The following RPTOR variants were observed in gnomAD, a reference collection of about 807,000 sequenced individuals.
The protein encoded by RPTOR is regulatory associated protein of MTOR complex 1, also known as regulatory-associated protein of mTOR.
Under a neutral mutation model 169.9 loss-of-function variants are expected in RPTOR, and 21 were observed. The ratio of observed to expected loss-of-function variants is 0.12; its 90% CI spans 0.09 to 0.18. The LOEUF (loss-of-function observed/expected upper bound fraction) is 0.18. Ranked by LOEUF, RPTOR falls within the 10% of genes least tolerant of loss-of-function variation. The pLI is 1.00. For missense variants in RPTOR, 1,133 were observed against 1,855.9 expected, an observed-to-expected ratio of 0.61 and a Z score of 7.16; for synonymous variants, 732 against 753.2, an observed-to-expected ratio of 0.97 and a Z score of 0.46.
At chr17:80,739,246 G>A (rs1400279917) in intron 5 of RPTOR, among the ~76,000 whole-genome samples, 2 of 106,548 alleles carry the variant, frequency 1.9e-5, no homozygotes, top group African/African-American at 7.4e-5. Flanking sequence ...GTTTCTGGCT[G>A]AAGGTGGAGC....
At chr17:80,922,565 G>C (rs142433069) in intron 21 of RPTOR, among the ~76,000 whole-genome samples, 159 bp from the exon 22 acceptor site, 1 of 152,218 alleles carries the variant, frequency 6.6e-6, no homozygotes, top group Non-Finnish European at 1.5e-5. Flanking sequence ...TTGCCTTTGC[G>C]GGGGATCCAG....
chr17:80,908,870 G>A lies in RPTOR; in HGVS notation c.2461G>A (p.Asp821Asn), dbSNP rs753729432. 1.2e-6 allele frequency: 2 copies of A among 1,614,122 alleles called. No individual in the cohort carries two copies. The highest frequency in any genetic ancestry group is 1.1e-5 in the South Asian group (1 of 91,078). Reference sequence around the variant, plus strand: ...GAGAGTCCTGCTGCACCTGGCTGCTGACCCCTATCCAGAGGTCTCGGACGT... The same window carrying A: ...GAGAGTCCTGCTGCACCTGGCTGCTAACCCCTATCCAGAGGTCTCGGACGT... ...IWRVLLHLAA[D>N]PYPEVSDVAM... The change falls in exon 21 of 34, where the codon GAC (aspartate) becomes AAC (asparagine). Residue 821 changes from aspartate (D) to asparagine (N), a missense_variant. Asp to Asn is a conservative substitution (Grantham distance 23). Transcript: ENST00000306801.
chr17:80,903,159 G>A (rs1205105497), intron 20 of RPTOR, among the ~76,000 whole-genome samples: 1 of 152,238 alleles, frequency 6.6e-6, no homozygotes, highest in Admixed American at 6.5e-5. Context: ...GGAGCCTGGA[G>A]CCGGCCCTGG....
chr17:80,664,460 C>T (rs1194787634), intron 3 of RPTOR, among the ~76,000 whole-genome samples: 2 of 152,178 alleles, frequency 1.3e-5, no homozygotes, highest in African/African-American at 2.4e-5. Context: ...CCTGCAGCCT[C>T]GCTCCCTGCG....
intron 3 of RPTOR, among the ~76,000 whole-genome samples, chr17:80,706,906 A>G (rs2066146340): frequency 6.6e-6 from 1 of 152,196 alleles, no homozygotes; most frequent in Non-Finnish European, 1.5e-5. Flanking sequence ...GAGAGCTTTG[A>G]AAATCTTCCA....
At chr17:80,764,155 ATTTTATTTTATT>A (rs1567899648) in intron 6 of RPTOR, among the ~76,000 whole-genome samples, 1 of 130,830 alleles carries the variant, frequency 7.6e-6, no homozygotes, top group East Asian at 2.1e-4. Flanking sequence ...ATTTTATTTT[ATTTTATTTTATT>A]TTATTTTATT....
At chr17:80,906,903 C>G (rs900150449) in intron 20 of RPTOR, among the ~76,000 whole-genome samples, 1 of 152,164 alleles carries the variant, frequency 6.6e-6, no homozygotes, top group East Asian at 1.9e-4. Flanking sequence ...TCCCTGACCT[C>G]TGCACTCACG....
chr17:80,930,200 G>GCTCATCCCCAC (rs2068863068), intron 24 of RPTOR, among the ~76,000 whole-genome samples: 1 of 111,900 alleles, frequency 8.9e-6, no homozygotes, highest in Non-Finnish European at 1.9e-5. Flanking sequence ...CTCATGCCCA[G>GCTCATCCCCAC]CTCATCCCCA....
At chr17:80,797,415 T>A (rs1326168945) in intron 7 of RPTOR, among the ~76,000 whole-genome samples, 1 of 152,260 alleles carries the variant, frequency 6.6e-6, no homozygotes, top group Admixed American at 6.5e-5. Context: ...CCCAAAGTGC[T>A]GGGATTATGG....
intron 20 of RPTOR, among the ~76,000 whole-genome samples, chr17:80,897,968 C>T (rs1238009632): frequency 6.6e-6 from 1 of 152,190 alleles, no homozygotes; most frequent in Non-Finnish European, 1.5e-5. Context: ...AAAACTGGCT[C>T]AGGAGTGCGC....
chr17:80,963,071 T>TGGGTGGG lies in RPTOR; in HGVS notation c.3939+17_3939+23dup, dbSNP rs2069366683. 1 of 120,636 alleles carries TGGGTGGG rather than the reference T, an allele frequency of 8.3e-6. No homozygotes were observed. The highest frequency in any genetic ancestry group is 7.3e-5 in the South Asian group (1 of 13,762). 7.5% of individuals were successfully genotyped at this position (120,636 alleles called of 1,614,324 possible). A position where few individuals can be genotyped will look rare whatever the true frequency, so the allele number is the denominator to read the frequency against. On this transcript the variant is annotated intron_variant, in intron 33 of 33. Transcript: ENST00000306801. ...CACCCGCACTGGGTCAGTGTGGCGGTGGGTGGGGGTCGGGGGTCGGGGGCT... is the reference window on the plus strand; with the variant it reads ...CACCCGCACTGGGTCAGTGTGGCGGTGGGTGGGGGGTGGGGGTCGGGGGTCGGGGGCT...
In RPTOR at chr17:80,883,490, C is replaced by T. The variant is rs751151535; in HGVS notation, c.1650+6C>T. The T allele has an allele frequency of 1.9e-5, 31 of 1,612,682 alleles. No individual in the cohort carries two copies. In the South Asian group the frequency reaches 2.4e-4, roughly 13 times the overall value. ...ACAGCTATCACACGGGGCAGGTGAG[C>T]CCCCCAGCCACCCCCAGCCCCAGAG... On this transcript the variant is annotated splice_donor_region_variant and intron_variant, in intron 15 of 33. Coordinates refer to ENST00000306801, the MANE Select transcript of RPTOR (RefSeq NM_020761.3).
chr17:80,865,064 G>A (rs1419294703), intron 13 of RPTOR, among the ~76,000 whole-genome samples: 2 of 152,212 alleles, frequency 1.3e-5, no homozygotes, highest in Admixed American at 6.5e-5. Context: ...AGAGAATGAA[G>A]AAATACTATT....
intron 7 of RPTOR, among the ~76,000 whole-genome samples, chr17:80,821,128 G>A (rs1004756067): frequency 1.3e-5 from 2 of 152,226 alleles, no homozygotes; most frequent in Non-Finnish European, 2.9e-5. Flanking sequence ...ACATTAAGAA[G>A]CTTGCTTAGG....
intron 29 of RPTOR, among the ~76,000 whole-genome samples, chr17:80,958,405 CTTTT>C (rs34955105): frequency 2.4e-5 from 2 of 83,652 alleles, no homozygotes; most frequent in African/African-American, 1.1e-4. Context: ...ATTTTTGTTT[CTTTT>C]TTTTTTTTTT....
intron 2 of RPTOR, 56 bp downstream of exon 2, chr17:80,625,849 G>T (rs2065389845): frequency 1.5e-6 from 2 of 1,293,808 alleles, no homozygotes; most frequent in African/African-American, 2.9e-5. Context: ...GCTCTGGCCT[G>T]GGCGGGGCTC....
intron 3 of RPTOR, among the ~76,000 whole-genome samples, chr17:80,644,782 A>T (rs995345985): frequency 4.6e-5 from 7 of 152,098 alleles, no homozygotes; most frequent in African/African-American, 1.7e-4. Flanking sequence ...CCAAAAATGA[A>T]TTTTTTCCTG....
At chr17:80,907,105 C>G (rs2068553190) in intron 20 of RPTOR, among the ~76,000 whole-genome samples, 1 of 152,242 alleles carries the variant, frequency 6.6e-6, no homozygotes, top group African/African-American at 2.4e-5. Flanking sequence ...TCGTGCAAAA[C>G]CCACTCCACG....
intron 1 of RPTOR, among the ~76,000 whole-genome samples, chr17:80,571,443 T>C (rs891661365): frequency 6.6e-6 from 1 of 152,204 alleles, no homozygotes; most frequent in East Asian, 1.9e-4. Flanking sequence ...AGGACTTCTT[T>C]ATGTGTTGCA....
Sources: gnomAD v4.1 joint callset for allele counts (sites outside exome capture counted in the v4.1 genomes callset) on GRCh38, gnomAD v4.1.1 for gene constraint, MANE v1.5 for transcripts, NCBI Gene and HGNC (gene_info 2026-07-23, HGNC 2026-07-21) for gene names.